The following HNRNPF variants were observed in gnomAD, a reference collection of about 807,000 sequenced individuals.
HNRNPF encodes heterogeneous nuclear ribonucleoprotein F.
Under a neutral mutation model 26.0 loss-of-function variants are expected in HNRNPF, and 2 were observed. That is an observed-to-expected ratio of 0.08 (90% CI 0.03 to 0.24). The LOEUF is 0.24. Among genes scored for constraint, HNRNPF ranks in the 10% least tolerant of loss-of-function variants. The probability of loss-of-function intolerance (pLI) is 1.00; values close to 1 mark genes in which losing one functional copy is unlikely to be tolerated. For synonymous variants in HNRNPF, 234 were observed against 211.5 expected, an observed-to-expected ratio of 1.11 and a Z score of -0.92; for missense variants, 299 against 539.2, an observed-to-expected ratio of 0.55 and a Z score of 4.41.
Position 43,386,657 on chromosome 10 carries a change from T to C in HNRNPF, c.1228A>G (p.Ser410Gly). 6.4e-7 allele frequency: 1 copy of C among 1,565,484 alleles called. No individual in the cohort carries two copies. Reference protein sequence around the residue: ...CYGAGYSGQNSMGGYD With the variant: ...CYGAGYSGQNGMGGYD The stretch of plus-strand genomic sequence containing the variant: ...CAAAACTAGTCATAGCCACCCATGC[T>C]GTTCTGCCCACTGTAGCCGGCCCCG... Residue 410 changes from serine to glycine, a missense_variant, in exon 4 of 4, where the codon AGC (serine) becomes GGC (glycine). Physicochemically the swap from Ser to Gly is moderately conservative, Grantham distance 56. Coordinates refer to ENST00000682386, the MANE Select transcript of HNRNPF (RefSeq NM_001098204.2).
At position 43,385,893 on chromosome 10, in the gene HNRNPF, A is replaced by AGAAT. The variant is rs1372545996; in HGVS notation, c.*740_*743dup. 1 of 152,650 alleles carries AGAAT rather than the reference A, an allele frequency of 6.6e-6. No individual in the cohort carries two copies. The highest frequency in any genetic ancestry group is 6.5e-5 in the Admixed American group (1 of 15,280). 9.5% of individuals were successfully genotyped at this position (152,650 alleles called of 1,614,324 possible). ...TAGACTTTTATTTAGCCTCATCATA[A>AGAAT]GAATATAAGGGAGATCATAGATTTG... is the stretch of plus-strand genomic sequence containing the variant. On this transcript the variant is annotated 3_prime_UTR_variant, in exon 4 of 4. Transcript: ENST00000682386.
chr10:43,398,743 TC>T (rs1421306907), intron 1 of HNRNPF, among the ~76,000 whole-genome samples: 1 of 151,664 alleles, frequency 6.6e-6, no homozygotes, highest in Non-Finnish European at 1.5e-5. Context: ...AGCCTCAACC[TC>T]CCAGGCTCAA....
At chr10:43,405,385 G>A (rs767463049) in intron 1 of HNRNPF, among the ~76,000 whole-genome samples, 16 of 152,268 alleles carry the variant, frequency 1.1e-4, no homozygotes, top group Non-Finnish European at 1.5e-4. Context: ...TGCCGGGCGC[G>A]GTGGCTCACG....
At chr10:43,404,935 T>C (rs931945111) in intron 1 of HNRNPF, among the ~76,000 whole-genome samples, 3 of 151,766 alleles carry the variant, frequency 2.0e-5, no homozygotes, top group Non-Finnish European at 2.9e-5. Context: ...ATCAGAAAAA[T>C]GCGAAGTGTG....
intron 1 of HNRNPF, among the ~76,000 whole-genome samples, chr10:43,401,679 C>T (rs1212839604): frequency 2.0e-5 from 3 of 152,110 alleles, no homozygotes; most frequent in East Asian, 3.9e-4. Context: ...TTTTGTTTTT[C>T]CCAGACCACC....
In HNRNPF at chr10:43,387,588, G is replaced by A. The variant is rs755170997; in HGVS notation, c.297C>T (p.His99=). ...CGCTGTCGGCACTGTTGGGACCACT[G>A]TGCTTCAACACCCAATCCATCTCGG... ...HRTEMDWVLK[H]SGPNSADSAN... The change falls in exon 4 of 4, where the codon CAC becomes CAT. Residue 99 remains histidine (H), a synonymous_variant. Transcript: ENST00000682386. This position sits in a 1 kb window ranked among gnomAD's most constrained non-coding sequence, Gnocchi z 6.0. 1.9e-6 allele frequency: 3 copies of A among 1,614,156 alleles called. No homozygotes were observed. Among genetic ancestry groups the A allele is most frequent in the East Asian group, 2.2e-5 (1 of 44,886 alleles).
At chr10:43,406,300 G>A (rs763048297) in intron 1 of HNRNPF, among the ~76,000 whole-genome samples, 1 of 152,146 alleles carries the variant, frequency 6.6e-6, no homozygotes, top group African/African-American at 2.4e-5. Context: ...CCACGTGGGA[G>A]AAGTAACTTT....
intron 3 of HNRNPF, among the ~76,000 whole-genome samples, chr10:43,392,897 G>T (rs987589679): frequency 6.6e-6 from 1 of 152,110 alleles, no homozygotes; most frequent in African/African-American, 2.4e-5. Flanking sequence ...TCTCCTCTGT[G>T]CCACAACTAA....
At position 43,387,162 on chromosome 10, in the gene HNRNPF, C is replaced by T. The variant is rs1838059260; in HGVS notation, c.723G>A (p.Gly241=). The change falls in exon 4 of 4, where the codon GGG becomes GGA. Residue 241 remains glycine (G), a synonymous_variant. Transcript: ENST00000682386. This position sits in a 1 kb window ranked among gnomAD's most constrained non-coding sequence, Gnocchi z 6.0. ...MRPGAYSTGY[G]GYEEYSGLSD... Reference sequence around the variant, plus strand: ...TGAGGCCACTGTACTCCTCGTAGCCCCCGTAGCCTGTGCTGTAGGCACCAG... The same window carrying T: ...TGAGGCCACTGTACTCCTCGTAGCCTCCGTAGCCTGTGCTGTAGGCACCAG... The T allele has an allele frequency of 6.2e-7, 1 of 1,614,040 alleles. No individual in the cohort carries two copies. The highest frequency in any genetic ancestry group is 1.3e-5 in the African/African-American group (1 of 74,926).
At chr10:43,390,101 T>C (rs1838184258) in intron 3 of HNRNPF, among the ~76,000 whole-genome samples, 1 of 152,218 alleles carries the variant, frequency 6.6e-6, no homozygotes, top group South Asian at 2.1e-4. Flanking sequence ...CATGCTGATC[T>C]GGCAGAGCAA....
At chr10:43,406,801 C>T (rs1838933181) in intron 1 of HNRNPF, among the ~76,000 whole-genome samples, 1 of 152,140 alleles carries the variant, frequency 6.6e-6, no homozygotes, top group Non-Finnish European at 1.5e-5. Flanking sequence ...TGAGCCACCT[C>T]GCCCGGCCGA....
chr10:43,396,209 T>G (rs942340414), intron 2 of HNRNPF, among the ~76,000 whole-genome samples: 2 of 152,218 alleles, frequency 1.3e-5, no homozygotes, highest in Non-Finnish European at 2.9e-5. Context: ...CCAGTTCGGC[T>G]ATCTGCAGAG....
intron 3 of HNRNPF, among the ~76,000 whole-genome samples, chr10:43,388,481 T>C (rs1423194329): frequency 2.0e-5 from 3 of 152,230 alleles, no homozygotes; most frequent in East Asian, 1.9e-4. Flanking sequence ...TGGCTTCCAC[T>C]GTCTATGGAG....
chr10:43,386,510 TA>T lies in HNRNPF; in HGVS notation c.*126del. ...AGAAAACACTGAAGAGGTAATTTTT[TA>T]ATCCAGATTTTTCACAAACTCATGG... On this transcript the variant is annotated 3_prime_UTR_variant, in exon 4 of 4. Transcript: ENST00000682386. 1 of 918,192 alleles carries T rather than the reference TA, an allele frequency of 1.1e-6. No individual in the cohort carries two copies. Among genetic ancestry groups the T allele is most frequent in the East Asian group, 2.6e-5 (1 of 38,554 alleles). The allele number at this position is 918,192 out of a possible 1,614,324, so 56.9% of individuals were successfully genotyped here.
At position 43,387,412 on chromosome 10, in the gene HNRNPF, T is replaced by C. The variant is rs1252759145; in HGVS notation, c.473A>G (p.Gln158Arg). The change falls in exon 4 of 4, where the codon CAG (glutamine) becomes CGG (arginine). Residue 158 changes from glutamine (Q) to arginine (R), a missense_variant. Transcript: ENST00000682386. This position sits in a 1 kb window ranked among gnomAD's most constrained non-coding sequence, Gnocchi z 6.0. Reference protein sequence around the residue: ...EGKITGEAFVQFASQELAEKA... With the variant: ...EGKITGEAFVRFASQELAEKA... ...CTCAGCTAACTCCTGCGAGGCAAAC[T>C]GCACGAACGCTTCCCCTGTAATCTT... 1.2e-6 allele frequency: 2 copies of C among 1,614,116 alleles called. No homozygotes were observed. Among genetic ancestry groups the C allele is most frequent in the Non-Finnish European group, 1.7e-6 (2 of 1,180,050 alleles).
At chr10:43,406,550 C>T (rs1458304439) in intron 1 of HNRNPF, among the ~76,000 whole-genome samples, 1 of 152,088 alleles carries the variant, frequency 6.6e-6, no homozygotes, top group Non-Finnish European at 1.5e-5. Context: ...CAAAAATTTG[C>T]CGGGCGTGCT....
At chr10:43,395,697 G>A (rs1172940404) in intron 2 of HNRNPF, among the ~76,000 whole-genome samples, 2 of 152,168 alleles carry the variant, frequency 1.3e-5, no homozygotes, top group South Asian at 2.1e-4. Flanking sequence ...AATCCGACTT[G>A]TTCAAGGATC....
chr10:43,399,825 G>A (rs752221835), intron 1 of HNRNPF, among the ~76,000 whole-genome samples: 1 of 152,196 alleles, frequency 6.6e-6, no homozygotes, highest in Admixed American at 6.5e-5. Context: ...CACAGTTCCT[G>A]CCTTGGTGGG....
chr10:43,393,539 T>C (rs1279024863), intron 3 of HNRNPF, among the ~76,000 whole-genome samples: 1 of 151,548 alleles, frequency 6.6e-6, no homozygotes, highest in East Asian at 1.9e-4. Context: ...GAGGTTGCGG[T>C]GAGCCAATGT....
Sources: gnomAD v4.1 joint callset for allele counts (sites outside exome capture counted in the v4.1 genomes callset) on GRCh38, gnomAD v4.1.1 for gene constraint, Gnocchi (gnomAD v3.1) non-coding constraint, MANE v1.5 for transcripts, NCBI Gene and HGNC (gene_info 2026-07-23, HGNC 2026-07-21) for gene names.